The following ZNF782 variants were observed in gnomAD, a reference collection of about 807,000 sequenced individuals.
ZNF782 encodes the protein zinc finger protein 782.
A neutral mutation model predicts 13.0 loss-of-function variants in ZNF782; 12 were observed. The observed-to-expected ratio is 0.92, with a 90% CI of 0.59 to 1.50. The LOEUF (loss-of-function observed/expected upper bound fraction) is 1.50, where lower values mean the gene tolerates loss of function less well. Ranked by LOEUF, ZNF782 falls within the 40% of genes most tolerant of loss-of-function variation. The probability of loss-of-function intolerance (pLI) is 0.00; values close to 1 mark genes in which losing one functional copy is unlikely to be tolerated. For synonymous variants in ZNF782, 284 were observed against 283.0 expected, an observed-to-expected ratio of 1.00 and a Z score of -0.04; for missense variants, 770 against 822.9, an observed-to-expected ratio of 0.94 and a Z score of 0.79.
At chr9:96,842,816 A>C (rs1426905983) in intron 4 of ZNF782, among the ~76,000 whole-genome samples, 1 of 152,144 alleles carries the variant, frequency 6.6e-6, no homozygotes, top group Non-Finnish European at 1.5e-5. Flanking sequence ...AAAGAAACTC[A>C]TATCTAGACT....
Position 96,853,326 on chromosome 9 carries a change from T to C in ZNF782, c.-261-257A>G, listed in dbSNP as rs78567465. ...GAGGATCAAGAACTGCTTCTGACCA[T>C]ACACATCTAGGATCTGCTCCTCTGT... On this transcript the variant is annotated intron_variant, in intron 1 of 5. Transcript: ENST00000481138. Among the ~76,000 whole-genome samples, 1,258 of 152,208 alleles carry C rather than the reference T, an allele frequency of 8.3e-3. 15 individuals are homozygous for C. The highest frequency in any genetic ancestry group is 0.026 in the African/African-American group (1,099 of 41,530).
chr9:96,879,398 G>A (rs1019209986), upstream of ZNF782, among the ~76,000 whole-genome samples: 5 of 152,214 alleles, frequency 3.3e-5, no homozygotes, highest in African/African-American at 1.2e-4. Flanking sequence ...AGCTACTCGG[G>A]AGGCTGAGGC....
chr9:96,821,944 G>A (rs941143874), intron 5 of ZNF782, among the ~76,000 whole-genome samples: 1 of 152,204 alleles, frequency 6.6e-6, no homozygotes, highest in Non-Finnish European at 1.5e-5. Context: ...GATTACAGGC[G>A]TAAGCCACCG....
At chr9:96,887,330 G>GAAGA in the ZNF782 span, 1,319 of 138,100 alleles carry the variant, frequency 9.6e-3, 36 homozygotes, top group African/African-American at 0.035. Context: ...AGGAAGGAAG[G>GAAGA]AAGGAAGGAA....
chr9:96,849,898 GA>G (rs1024590461), intron 3 of ZNF782, among the ~76,000 whole-genome samples: 201 of 151,046 alleles, frequency 1.3e-3, no homozygotes, highest in Non-Finnish European at 1.9e-3. Flanking sequence ...ATAAACACAT[GA>G]AAAAAAAATG....
rs74208278 is a variant in ZNF782 at position 96,848,942 on chromosome 9, C to T, written c.15+3005G>A. On this transcript the variant is annotated intron_variant, in intron 3 of 5. Coordinates refer to ENST00000481138, the MANE Select transcript of ZNF782 (RefSeq NM_001001662.3). ...CAAATTATACTACAAGGCTATAATT[C>T]CCAAAACAGTATGGTACTGGTATAA... Among the ~76,000 whole-genome samples, 1,401 of 152,204 alleles carry T rather than the reference C, an allele frequency of 9.2e-3. 52 individuals carry two copies. The East Asian group carries it at 0.1, about 11-fold the overall frequency.
chr9:96,930,871 G>GTTTTTTT, the ZNF782 span, among the ~76,000 whole-genome samples: 1 of 104,404 alleles, frequency 9.6e-6, no homozygotes, highest in African/African-American at 3.7e-5. Flanking sequence ...TCCATCCAGT[G>GTTTTTTT]GTTTTTTTTT....
intron 4 of ZNF782, among the ~76,000 whole-genome samples, chr9:96,827,638 C>T (rs1169357086): frequency 6.6e-6 from 1 of 152,164 alleles, no homozygotes; most frequent in Non-Finnish European, 1.5e-5. Context: ...GATCAATCTC[C>T]TTGAACCCCT....
chr9:96,910,915 C>T, the ZNF782 span, among the ~76,000 whole-genome samples: 2 of 150,048 alleles, frequency 1.3e-5, no homozygotes, highest in African/African-American at 2.4e-5. Context: ...GGATTACAGG[C>T]GTGAGCCATC....
the ZNF782 span, among the ~76,000 whole-genome samples, chr9:96,931,531 T>C: frequency 6.6e-6 from 1 of 151,396 alleles, no homozygotes; most frequent in South Asian, 2.1e-4. Flanking sequence ...TCTTGGTGAC[T>C]GGCGCCAGGC....
At chr9:96,849,137 A>G (rs562139065) in intron 3 of ZNF782, among the ~76,000 whole-genome samples, 3 of 152,316 alleles carry the variant, frequency 2.0e-5, no homozygotes, top group Middle Eastern at 3.4e-3. Context: ...GGTTTCCTGG[A>G]AGACAATTTT....
At chr9:96,832,024 GTTT>G (rs199678812) in intron 4 of ZNF782, among the ~76,000 whole-genome samples, 7 of 151,028 alleles carry the variant, frequency 4.6e-5, no homozygotes, top group Admixed American at 1.3e-4. Flanking sequence ...CATTTTATTT[GTTT>G]TTTTTGTTCC....
intron 4 of ZNF782, among the ~76,000 whole-genome samples, chr9:96,841,188 C>G (rs1018815027): frequency 6.6e-6 from 1 of 151,760 alleles, no homozygotes; most frequent in Non-Finnish European, 1.5e-5. Flanking sequence ...AGCAAAAATA[C>G]CACAATTCAC....
At chr9:96,841,896 T>C (rs1287172504) in intron 4 of ZNF782, among the ~76,000 whole-genome samples, 1 of 151,858 alleles carries the variant, frequency 6.6e-6, no homozygotes, top group Non-Finnish European at 1.5e-5. Flanking sequence ...GCATACAGAT[T>C]AGAAAGGAAA....
In ZNF782 at chr9:96,819,637, A is replaced by G. The variant is rs914885622; in HGVS notation, c.386T>C (p.Phe129Ser). ...TTTACAAGGCATCATTCTTGCACGAAAAATGTTTATGTCTCGATTATGTGG... is the reference window on the plus strand; with the variant it reads ...TTTACAAGGCATCATTCTTGCACGAGAAATGTTTATGTCTCGATTATGTGG... ...GKPHNRDINI[F>S]RARMMPCKCD... Residue 129 changes from phenylalanine (F) to serine (S), a missense_variant, in exon 6 of 6, where the codon TTT becomes TCT. Phe to Ser is a radical substitution (Grantham distance 155). Coordinates refer to ENST00000481138, the MANE Select transcript of ZNF782 (RefSeq NM_001001662.3). 6 of 1,614,048 alleles carry G rather than the reference A, an allele frequency of 3.7e-6. No individual in the cohort carries two copies. Among genetic ancestry groups the G allele is most frequent in the Non-Finnish European group, 5.1e-6 (6 of 1,180,042 alleles).
At chr9:96,858,778 G>C (rs1851672770), upstream of ZNF782, among the ~76,000 whole-genome samples, 1 of 152,210 alleles carries the variant, frequency 6.6e-6, no homozygotes. The surrounding 1 kb of genome is among the most constrained non-coding windows in gnomAD (Gnocchi z 4.4). Context: ...CAGAAGTGGA[G>C]CCTGATGGCT....
intron 5 of ZNF782, among the ~76,000 whole-genome samples, chr9:96,826,772 T>C (rs1850635118): frequency 6.6e-6 from 1 of 152,188 alleles, no homozygotes; most frequent in Admixed American, 6.5e-5. Flanking sequence ...TGGCAGATGC[T>C]AGACAGAGGG....
intron 1 of ZNF782, among the ~76,000 whole-genome samples, chr9:96,864,127 T>G (rs1390224583): frequency 6.7e-6 from 1 of 148,542 alleles, no homozygotes; most frequent in Non-Finnish European, 1.5e-5. Flanking sequence ...TATATATATA[T>G]ATTTTATATA....
intron 4 of ZNF782, among the ~76,000 whole-genome samples, chr9:96,843,173 A>C (rs1564007102): frequency 6.6e-6 from 1 of 152,132 alleles, no homozygotes; most frequent in Non-Finnish European, 1.5e-5. Flanking sequence ...TTACCATACA[A>C]TCCAACAATC....
Sources: allele counts gnomAD v4.1 joint callset (sites outside exome capture counted in the v4.1 genomes callset), GRCh38; gene constraint gnomAD v4.1.1; non-coding constraint Gnocchi (gnomAD v3.1); transcripts MANE v1.5; gene names NCBI Gene and HGNC (gene_info 2026-07-23, HGNC 2026-07-21).